The following VEGFD variants were observed in gnomAD, a reference collection of about 807,000 sequenced individuals.
VEGFD encodes the protein vascular endothelial growth factor D.
Under a neutral mutation model 28.0 loss-of-function variants are expected in VEGFD, and 26 were observed. The ratio of observed to expected loss-of-function variants is 0.93; its 90% CI spans 0.68 to 1.29. VEGFD has a LOEUF of 1.29. Among genes scored for constraint, VEGFD ranks in the 50% most tolerant of loss-of-function variants. The probability of loss-of-function intolerance (pLI) is 0.00; values close to 1 mark genes in which losing one functional copy is unlikely to be tolerated. For synonymous variants in VEGFD, 93 were observed against 95.5 expected (o/e 0.97, Z 0.15); for missense variants, 294 against 273.4 (o/e 1.08, Z -0.53).
At chrX:15,368,052 AGAAAGAAAG>A (rs1923209578) in intron 1 of VEGFD, among the ~76,000 whole-genome samples, 1 of 100,458 alleles carries the variant, frequency 1.0e-5, no homozygotes, top group African/African-American at 3.8e-5. Context: ...GAAAGAAAGA[AGAAAGAAAG>A]GAAAGAAAGA....
At chrX:15,374,245 C>T (rs1555950253) in intron 1 of VEGFD, among the ~76,000 whole-genome samples, 1 of 112,265 alleles carries the variant, frequency 8.9e-6, no homozygotes, top group Admixed American at 9.5e-5. Flanking sequence ...ATAAATGAAG[C>T]CTTATGTTCA....
Position 15,353,140 on chromosome X carries a change from T to C in VEGFD, c.670A>G (p.Ile224Val). The change falls in exon 5 of 7, where the codon ATT becomes GTT. Residue 224 changes from isoleucine (I) to valine (V), a missense_variant. Coordinates refer to ENST00000297904, the MANE Select transcript of VEGFD (RefSeq NM_004469.5). ...RCSHSKKLCP[I>V]DMLWDSNKCK... ...TTGTTGCTATCCCATAGCATGTCAA[T>C]AGGACAGAGTTTCTTGGAATGGGAA... is the stretch of plus-strand genomic sequence containing the variant. 8.6e-7 allele frequency: 1 copy of C among 1,167,947 alleles called. No individual in the cohort carries two copies. Among genetic ancestry groups the C allele is most frequent in the Non-Finnish European group, 1.2e-6 (1 of 867,974 alleles).
Position 15,353,098 on chromosome X carries a change from G to A in VEGFD, c.712C>T (p.Gln238Ter), listed in dbSNP as rs1922772533. The A allele has an allele frequency of 1.7e-6, 2 of 1,182,369 alleles. No homozygotes were observed. The change falls in exon 5 of 7, where the codon CAG (glutamine) becomes TAG (stop). Residue 238 changes from glutamine (Q) to a stop codon, truncating the protein, a stop_gained. Transcript: ENST00000297904. LOFTEE classifies it high-confidence loss of function. ...WDSNKCKCVLQEENPLAGTED... is the reference protein window; with the variant it reads ...WDSNKCKCVL ...GTTCCAGCAAGTGGATTTTCCTCCT[G>A]CAAAACACATTTACATTTGTTGCTA... is the stretch of plus-strand genomic sequence containing the variant.
At chrX:15,357,182 G>A (rs1922889243) in intron 3 of VEGFD, among the ~76,000 whole-genome samples, 1 of 111,995 alleles carries the variant, frequency 8.9e-6, no homozygotes. Flanking sequence ...TACCTACTAA[G>A]CAAAGGGAAA....
At chrX:15,371,694 C>T (rs751456788) in intron 1 of VEGFD, among the ~76,000 whole-genome samples, 2 of 111,984 alleles carry the variant, frequency 1.8e-5, no homozygotes, top group African/African-American at 3.2e-5. Flanking sequence ...ATTGGTATTA[C>T]AGGAGGGAAA....
chrX:15,363,959 A>C (rs1336440015), intron 1 of VEGFD, among the ~76,000 whole-genome samples: 3 of 112,321 alleles, frequency 2.7e-5, no homozygotes, highest in Non-Finnish European at 3.8e-5. Context: ...GTGAGAAAAT[A>C]CATTTCTGTT....
chrX:15,382,899 C>T (rs889260120), intron 1 of VEGFD, among the ~76,000 whole-genome samples: 2 of 111,713 alleles, frequency 1.8e-5, no homozygotes, highest in African/African-American at 6.5e-5. Flanking sequence ...GAATGTATAA[C>T]GTATTTTAAA....
Position 15,345,972 on chromosome X carries a change from G to C in VEGFD, c.*161C>G. ...CTAGAAGACATCCATCAATGAACCA[G>C]GGACTCCTTAGCTGGTGTGAATGGA... On this transcript the variant is annotated 3_prime_UTR_variant, in exon 7 of 7. Coordinates refer to ENST00000297904, the MANE Select transcript of VEGFD (RefSeq NM_004469.5). The C allele has an allele frequency of 1.8e-6, 1 of 569,086 alleles. No homozygotes were observed. The highest frequency in any genetic ancestry group is 3.4e-5 in the Admixed American group (1 of 29,011). The allele number at this position is 569,086 out of a possible 1,213,427, so 46.9% of individuals were successfully genotyped here.
intron 5 of VEGFD, among the ~76,000 whole-genome samples, chrX:15,348,868 T>G (rs1922617771): frequency 8.9e-6 from 1 of 112,508 alleles, no homozygotes; most frequent in Non-Finnish European, 1.9e-5. Flanking sequence ...GTTTATTTGG[T>G]GTAATAAAAG....
intron 5 of VEGFD, among the ~76,000 whole-genome samples, chrX:15,350,910 C>T (rs1160819014): frequency 9.9e-6 from 1 of 101,474 alleles, no homozygotes; most frequent in South Asian, 4.5e-4. Context: ...CATCCAGGCC[C>T]GAGTGCGGTG....
At chrX:15,379,188 GCCTCTA>G (rs1396425016) in intron 1 of VEGFD, among the ~76,000 whole-genome samples, 1 of 111,688 alleles carries the variant, frequency 9.0e-6, no homozygotes, top group African/African-American at 3.3e-5. Context: ...CATATTGTCT[GCCTCTA>G]CCCATCACAC....
At chrX:15,372,002 C>A (rs183484996) in intron 1 of VEGFD, among the ~76,000 whole-genome samples, 2 of 111,528 alleles carry the variant, frequency 1.8e-5, no homozygotes, top group African/African-American at 3.3e-5. Context: ...TTGTGTTGAA[C>A]GAAAACATCG....
At chrX:15,362,825 C>T (rs1923049373) in intron 2 of VEGFD, among the ~76,000 whole-genome samples, 1 of 111,547 alleles carries the variant, frequency 9.0e-6, no homozygotes, top group Admixed American at 9.5e-5. Context: ...CTATTGAGAA[C>T]AATAGTCTTC....
intron 5 of VEGFD, among the ~76,000 whole-genome samples, chrX:15,351,474 C>A (rs768884179): frequency 9.0e-6 from 1 of 111,419 alleles, no homozygotes; most frequent in Non-Finnish European, 1.9e-5. Context: ...CTCGGCCTCC[C>A]AAAGTGCTAG....
At chrX:15,355,035 G>T in intron 4 of VEGFD, 115 bp downstream of exon 4, 1 of 650,671 alleles carries the variant, frequency 1.5e-6, no homozygotes, top group Non-Finnish European at 2.2e-6. Flanking sequence ...GCTAAAATAT[G>T]AATAATTTGA....
At chrX:15,377,467 C>T (rs889190234) in intron 1 of VEGFD, among the ~76,000 whole-genome samples, 1 of 112,221 alleles carries the variant, frequency 8.9e-6, no homozygotes, top group African/African-American at 3.2e-5. Context: ...TCTCCTTCTA[C>T]TCCTCCCAAG....
chrX:15,363,564 TGTA>T (rs959932321), intron 1 of VEGFD, among the ~76,000 whole-genome samples: 1 of 112,095 alleles, frequency 8.9e-6, no homozygotes, highest in Admixed American at 9.5e-5. Flanking sequence ...CAAAGAAAAT[TGTA>T]GTGCATTGAA....
chrX:15,363,887 A>G (rs1240874968), intron 1 of VEGFD, among the ~76,000 whole-genome samples: 1 of 111,903 alleles, frequency 8.9e-6, no homozygotes, highest in African/African-American at 3.3e-5. Context: ...TCTCTCCAAG[A>G]GTGTTTTGAG....
intron 1 of VEGFD, among the ~76,000 whole-genome samples, chrX:15,367,363 A>G: frequency 8.9e-6 from 1 of 112,248 alleles, no homozygotes; most frequent in East Asian, 2.8e-4. Context: ...TTGGCTTGCC[A>G]CAGCTTCTTC....
Sources: allele counts gnomAD v4.1 joint callset (sites outside exome capture counted in the v4.1 genomes callset), GRCh38; gene constraint gnomAD v4.1.1; transcripts MANE v1.5; gene names NCBI Gene and HGNC (gene_info 2026-07-23, HGNC 2026-07-21).